Variants in SND1 observed in about 807,000 individuals in gnomAD.
SND1 encodes the protein staphylococcal nuclease and tudor domain containing 1, also known as staphylococcal nuclease domain-containing protein 1.
SND1 carries 38 observed loss-of-function variants against 121.7 expected under a neutral mutation model. That is an observed-to-expected ratio of 0.31 (90% CI 0.24 to 0.41). The LOEUF is 0.41. Among genes scored for constraint, SND1 ranks in the 10% least tolerant of loss-of-function variants. The pLI, the probability that SND1 is intolerant of heterozygous loss-of-function variation, is 1.00. For synonymous variants in SND1, 401 were observed against 447.4 expected (o/e 0.90, Z 1.31); for missense variants, 868 against 1,184.6 (o/e 0.73, Z 3.92).
intron 11 of SND1, among the ~76,000 whole-genome samples, chr7:127,829,104 A>C (rs1479108589): frequency 6.6e-6 from 1 of 152,178 alleles, no homozygotes; most frequent in African/African-American, 2.4e-5. Flanking sequence ...CTAAGATAGG[A>C]GAGTCCTTAA....
At chr7:127,897,394 T>C (rs965798571) in intron 13 of SND1, among the ~76,000 whole-genome samples, 1 of 152,184 alleles carries the variant, frequency 6.6e-6, no homozygotes, top group African/African-American at 2.4e-5. Flanking sequence ...TTGTGTTATG[T>C]AACAAGTATT....
At chr7:127,765,874 T>C (rs577122164) in intron 10 of SND1, among the ~76,000 whole-genome samples, 12 of 152,338 alleles carry the variant, frequency 7.9e-5, no homozygotes, top group African/African-American at 1.9e-4. Context: ...TTATAAGCAT[T>C]TAGATGTTTA....
chr7:127,864,337 G>A (rs1174686866), intron 12 of SND1, among the ~76,000 whole-genome samples: 1 of 151,008 alleles, frequency 6.6e-6, no homozygotes, highest in Non-Finnish European at 1.5e-5. Flanking sequence ...CCTTCCAATT[G>A]AGCCATCTCT....
chr7:127,778,487 G>A (rs546522270), intron 10 of SND1, among the ~76,000 whole-genome samples: 142 of 152,244 alleles, frequency 9.3e-4, no homozygotes, highest in South Asian at 6.2e-3. Flanking sequence ...GTGAGCCACC[G>A]CACTCGGTCT....
chr7:127,743,637 AG>A, intron 10 of SND1, among the ~76,000 whole-genome samples: 2 of 152,312 alleles, frequency 1.3e-5, no homozygotes, highest in Non-Finnish European at 2.9e-5. Context: ...GTAAGTCTGA[AG>A]GTGCTAGTGT....
chr7:127,680,268 C>T (rs773810799), intron 1 of SND1, among the ~76,000 whole-genome samples: 11 of 151,954 alleles, frequency 7.2e-5, no homozygotes, highest in Admixed American at 2.0e-4. Flanking sequence ...AGGACTGGGG[C>T]GAAATTAAAA....
At chr7:127,997,621 T>C in intron 16 of SND1, 1 of 470,082 alleles carries the variant, frequency 2.1e-6, no homozygotes, top group South Asian at 1.7e-5. Context: ...GTTTAAAAAA[T>C]ATAACTCCCC....
chr7:127,856,052 A>T (rs1291050889), intron 12 of SND1, among the ~76,000 whole-genome samples: 2 of 152,210 alleles, frequency 1.3e-5, no homozygotes, highest in African/African-American at 4.8e-5. Context: ...CGGCAATTGC[A>T]TTCATTTTCC....
chr7:127,986,214 T>C (rs1802386716), intron 15 of SND1, among the ~76,000 whole-genome samples: 1 of 152,238 alleles, frequency 6.6e-6, no homozygotes, highest in Non-Finnish European at 1.5e-5. Flanking sequence ...TTAACAAGAA[T>C]GTGTACTTCT....
chr7:127,820,395 G>A (rs186907864), intron 11 of SND1, among the ~76,000 whole-genome samples: 16 of 152,182 alleles, frequency 1.1e-4, no homozygotes, highest in East Asian at 5.8e-4. Context: ...GCTTGCTGTC[G>A]GCAGTTTGGA....
In SND1 at chr7:127,957,992, G is replaced by A. The variant is rs1045378783; in HGVS notation, c.1669+28663G>A. The stretch of plus-strand genomic sequence containing the variant: ...GCTGGGGTTACAGGCGTGTGCCACT[G>A]CCCCCAGCCTAGCCGCAGTTAATTG... On this transcript the variant is annotated intron_variant, in intron 15 of 23. Coordinates refer to ENST00000354725, the MANE Select transcript of SND1 (RefSeq NM_014390.4). Among the ~76,000 whole-genome samples the A allele has an allele frequency of 9.8e-5, 15 of 152,314 alleles. 1 individual carries two copies. The South Asian group carries it at 3.1e-3, about 32-fold the overall frequency.
chr7:127,792,243 TG>T (rs1797922653), intron 10 of SND1, among the ~76,000 whole-genome samples: 1 of 152,000 alleles, frequency 6.6e-6, no homozygotes, highest in Non-Finnish European at 1.5e-5. Flanking sequence ...ACAGTGGAGG[TG>T]GTCATGGTGT....
chr7:128,010,197 CTTG>C (rs1803084686), intron 16 of SND1, among the ~76,000 whole-genome samples: 3 of 152,232 alleles, frequency 2.0e-5, no homozygotes, highest in Admixed American at 1.3e-4. Flanking sequence ...TCTTTCAACA[CTTG>C]TTGAATGCTT....
In SND1 at chr7:127,702,422, T is replaced by C. The variant is rs770406607; in HGVS notation, c.590-13T>C. ...GTTTGCTAAGGACTTAAGCTGTTTA[T>C]TCTGTCACACAGCTATCATCGAGCA... On this transcript the variant is annotated splice_polypyrimidine_tract_variant and intron_variant, in intron 5 of 23. Coordinates refer to ENST00000354725, the MANE Select transcript of SND1 (RefSeq NM_014390.4). The C allele has an allele frequency of 6.2e-7, 1 of 1,611,548 alleles. No individual in the cohort carries two copies. The highest frequency in any genetic ancestry group is 1.7e-5 in the Admixed American group (1 of 60,024).
intron 11 of SND1, among the ~76,000 whole-genome samples, chr7:127,810,344 A>G (rs1798313376): frequency 6.6e-6 from 1 of 152,186 alleles, no homozygotes; most frequent in African/African-American, 2.4e-5. Flanking sequence ...GAGTGGTAGA[A>G]GAATACTGTG....
At chr7:127,829,640 G>C (rs559091951) in intron 11 of SND1, among the ~76,000 whole-genome samples, 71 of 152,150 alleles carry the variant, frequency 4.7e-4, no homozygotes, top group African/African-American at 1.7e-3. Context: ...TCTTATTATA[G>C]CTGCAGTCTC....
chr7:127,987,912 A>G (rs932478932), intron 15 of SND1, among the ~76,000 whole-genome samples: 4 of 144,500 alleles, frequency 2.8e-5, no homozygotes, highest in African/African-American at 1.1e-4. Context: ...TAACCCCCCA[A>G]ATAAATAAAT....
chr7:127,858,625 C>G, intron 12 of SND1: 1 of 284,502 alleles, frequency 3.5e-6, no homozygotes, highest in East Asian at 7.5e-5. Flanking sequence ...AAACACCACT[C>G]TCCTGCTCCT....
At chr7:127,961,572 A>G (rs1246054249) in intron 15 of SND1, among the ~76,000 whole-genome samples, 1 of 152,214 alleles carries the variant, frequency 6.6e-6, no homozygotes, top group Non-Finnish European at 1.5e-5. Flanking sequence ...ACCCAAAACA[A>G]CCAAAATTTA....
Sources: allele counts gnomAD v4.1 joint callset (sites outside exome capture counted in the v4.1 genomes callset), GRCh38; gene constraint gnomAD v4.1.1; transcripts MANE v1.5; gene names NCBI Gene and HGNC (gene_info 2026-07-23, HGNC 2026-07-21).